The following TBC1D22A variants were observed in gnomAD, a reference collection of about 807,000 sequenced individuals.
TBC1D22A encodes the protein putative GTPase activator.
In TBC1D22A, 38 loss-of-function variants were observed where a neutral mutation model predicts 60.2. That is an observed-to-expected ratio of 0.63 (90% confidence interval 0.49 to 0.83). TBC1D22A has a LOEUF of 0.83. Among genes scored for constraint, TBC1D22A ranks in the 40% least tolerant of loss-of-function variants. The probability of loss-of-function intolerance (pLI) is 0.00; values close to 1 mark genes in which losing one functional copy is unlikely to be tolerated. For missense variants in TBC1D22A, 628 were observed against 701.0 expected, an observed-to-expected ratio of 0.90 and a Z score of 1.18; for synonymous variants, 302 against 281.7, an observed-to-expected ratio of 1.07 and a Z score of -0.72.
chr22:46,778,341 T>C (rs2083789911), intron 1 of TBC1D22A, among the ~76,000 whole-genome samples: 1 of 152,236 alleles, frequency 6.6e-6, no homozygotes, highest in Non-Finnish European at 1.5e-5. Flanking sequence ...AAAAAACTTT[T>C]TGACTCCTTT....
intron 4 of TBC1D22A, among the ~76,000 whole-genome samples, chr22:46,865,222 T>C (rs78529821): frequency 0.019 from 2,924 of 152,262 alleles, 112 homozygotes; most frequent in African/African-American, 0.067. Context: ...CACCCCCCGC[T>C]GCATCTCCAC....
chr22:46,937,165 A>T (rs1206676934), intron 8 of TBC1D22A, among the ~76,000 whole-genome samples: 1 of 152,158 alleles, frequency 6.6e-6, no homozygotes, highest in Non-Finnish European at 1.5e-5. Flanking sequence ...ATAAGGATTG[A>T]TGTTTTGTGA....
intron 4 of TBC1D22A, among the ~76,000 whole-genome samples, chr22:46,862,252 C>G (rs2087933396): frequency 6.6e-6 from 1 of 152,222 alleles, no homozygotes; most frequent in Non-Finnish European, 1.5e-5. Flanking sequence ...GGTCTTCTCG[C>G]TCTTAGCACC....
At chr22:47,058,642 G>A (rs940539648) in intron 11 of TBC1D22A, among the ~76,000 whole-genome samples, 1 of 151,940 alleles carries the variant, frequency 6.6e-6, no homozygotes, top group African/African-American at 2.4e-5. Context: ...TTCCCTGTTA[G>A]CAAGGAGGCA....
At chr22:47,147,495 A>G (rs1417392392) in intron 12 of TBC1D22A, among the ~76,000 whole-genome samples, 1 of 152,142 alleles carries the variant, frequency 6.6e-6, no homozygotes, top group Non-Finnish European at 1.5e-5. Flanking sequence ...TCCAACACAC[A>G]CACGTTCTGC....
At chr22:47,026,030 A>G (rs537291563) in intron 10 of TBC1D22A, among the ~76,000 whole-genome samples, 1 of 152,386 alleles carries the variant, frequency 6.6e-6, no homozygotes, top group South Asian at 2.1e-4. Flanking sequence ...ATCCAACAGT[A>G]CACATCCCGA....
rs1489417497 is a variant in TBC1D22A, at chr22:47,005,553, A to G, written c.1201+7844A>G. On this transcript the variant is annotated intron_variant, in intron 10 of 12. Transcript: ENST00000337137. ...TTCCCATATTCACACATACCCTCCT[A>G]CACACATATGCATATAAACATACAC... Among the ~76,000 whole-genome samples, 4 of 151,538 alleles carry G rather than the reference A, an allele frequency of 2.6e-5. No homozygotes were observed. The East Asian group carries it at 7.8e-4, about 29-fold the overall frequency.
intron 11 of TBC1D22A, among the ~76,000 whole-genome samples, chr22:47,093,901 A>G (rs925769747): frequency 6.6e-6 from 1 of 152,212 alleles, no homozygotes; most frequent in Non-Finnish European, 1.5e-5. Context: ...TCCCCAAGAC[A>G]ACAATTATTC....
intron 4 of TBC1D22A, among the ~76,000 whole-genome samples, chr22:46,831,079 C>T (rs1026038746): frequency 5.3e-5 from 8 of 151,894 alleles, no homozygotes; most frequent in African/African-American, 1.5e-4. Context: ...TTGGGCAGGC[C>T]GAAGGCATTT....
chr22:47,093,131 A>T (rs561084660), intron 11 of TBC1D22A, among the ~76,000 whole-genome samples: 50 of 152,314 alleles, frequency 3.3e-4, no homozygotes, highest in African/African-American at 1.2e-3. Flanking sequence ...ACAGAGCAGC[A>T]TTGAAAGGAT....
intron 7 of TBC1D22A, among the ~76,000 whole-genome samples, chr22:46,911,013 C>T (rs1022903439): frequency 6.6e-6 from 1 of 151,824 alleles, no homozygotes; most frequent in Non-Finnish European, 1.5e-5. Flanking sequence ...AGGGGTACTG[C>T]ACTGGGGGTG....
chr22:46,920,243 C>T (rs181647808), intron 8 of TBC1D22A, among the ~76,000 whole-genome samples: 4 of 152,236 alleles, frequency 2.6e-5, no homozygotes, highest in Non-Finnish European at 5.9e-5. Context: ...CCACGCCTGA[C>T]TAATTTTTTA....
intron 4 of TBC1D22A, among the ~76,000 whole-genome samples, chr22:46,840,509 T>C (rs1235590370): frequency 2.4e-4 from 36 of 152,026 alleles, no homozygotes; most frequent in Admixed American, 2.4e-3. Flanking sequence ...CTGAGGCAGG[T>C]GGATCACGAG....
At chr22:46,823,672 T>C (rs528413704) in intron 4 of TBC1D22A, among the ~76,000 whole-genome samples, 2 of 152,372 alleles carry the variant, frequency 1.3e-5, no homozygotes, top group South Asian at 4.1e-4. Context: ...ACGTGGGCAG[T>C]ACTTAATAAA....
intron 12 of TBC1D22A, among the ~76,000 whole-genome samples, chr22:47,150,401 G>A (rs374359864): frequency 1.8e-4 from 27 of 152,258 alleles, no homozygotes; most frequent in Middle Eastern, 3.4e-3. Context: ...TCAAAAGTCC[G>A]CAAACACGTG....
chr22:47,041,929 C>T (rs2062858226), intron 11 of TBC1D22A, among the ~76,000 whole-genome samples: 1 of 152,222 alleles, frequency 6.6e-6, no homozygotes, highest in African/African-American at 2.4e-5. Flanking sequence ...TGCTTGCCCG[C>T]CCTAACCTAT....
intron 12 of TBC1D22A, among the ~76,000 whole-genome samples, chr22:47,143,092 G>C (rs1230475476): frequency 6.6e-6 from 1 of 151,986 alleles, no homozygotes; most frequent in Non-Finnish European, 1.5e-5. Context: ...ACTGGGAAGA[G>C]AGTGCCCCAC....
chr22:47,076,934 G>T (rs370049647), intron 11 of TBC1D22A, among the ~76,000 whole-genome samples: 1 of 152,124 alleles, frequency 6.6e-6, no homozygotes, highest in African/African-American at 2.4e-5. Flanking sequence ...AGTTCCAGCC[G>T]TCATGTCAGT....
chr22:46,793,286 C>G (rs1183679206), intron 2 of TBC1D22A, among the ~76,000 whole-genome samples: 2 of 152,212 alleles, frequency 1.3e-5, no homozygotes, highest in Non-Finnish European at 2.9e-5. Flanking sequence ...GGTGACCTTC[C>G]TGGAGCCCCC....
Sources: gnomAD v4.1 joint callset for allele counts (sites outside exome capture counted in the v4.1 genomes callset) on GRCh38, gnomAD v4.1.1 for gene constraint, MANE v1.5 for transcripts, NCBI Gene and HGNC (gene_info 2026-07-23, HGNC 2026-07-21) for gene names.